Variants in ACER3 observed in about 807,000 individuals in gnomAD.
The protein encoded by ACER3 is alkCDase 3.
ACER3 carries 16 observed loss-of-function variants against 48.9 expected under a neutral mutation model. That is an observed-to-expected ratio of 0.33 (90% CI 0.22 to 0.50). The LOEUF (loss-of-function observed/expected upper bound fraction) is 0.50. Ranked by LOEUF, ACER3 falls within the 20% of genes least tolerant of loss-of-function variation. The pLI, the probability that ACER3 is intolerant of heterozygous loss-of-function variation, is 0.98. For missense variants in ACER3, 227 were observed against 326.0 expected (o/e 0.70, Z 2.34); for synonymous variants, 109 against 107.8 (o/e 1.01, Z -0.07).
chr11:77,005,381 TG>T (rs1949114155), intron 7 of ACER3, among the ~76,000 whole-genome samples: 1 of 152,206 alleles, frequency 6.6e-6, no homozygotes, highest in Non-Finnish European at 1.5e-5. Flanking sequence ...CAGAGTCTAA[TG>T]TTAATCAGCA....
intron 2 of ACER3, among the ~76,000 whole-genome samples, chr11:76,939,064 T>C (rs1032012207): frequency 9.3e-5 from 14 of 150,892 alleles, no homozygotes; most frequent in Non-Finnish European, 1.0e-4. Context: ...ATAACAGTAA[T>C]AGATTTTAAC....
intron 3 of ACER3, among the ~76,000 whole-genome samples, chr11:76,964,768 A>G (rs993141239): frequency 6.6e-6 from 1 of 151,554 alleles, no homozygotes; most frequent in East Asian, 1.9e-4. Context: ...TGTTAGAAGG[A>G]CAACTAACAA....
chr11:77,017,057 A>G (rs1555023510), intron 9 of ACER3, among the ~76,000 whole-genome samples: 1 of 152,220 alleles, frequency 6.6e-6, no homozygotes, highest in Admixed American at 6.5e-5. Flanking sequence ...CACATTTAAA[A>G]GGAAGAGAGA....
chr11:77,020,188 C>T (rs1414091862), intron 10 of ACER3, 86 bp from the exon 11 acceptor site: 6 of 1,394,860 alleles, frequency 4.3e-6, no homozygotes, highest in African/African-American at 2.9e-5. Context: ...TAGTCATAGC[C>T]CCATGGATTC....
At chr11:76,902,401 G>C (rs1321652864) in intron 1 of ACER3, among the ~76,000 whole-genome samples, 1 of 152,124 alleles carries the variant, frequency 6.6e-6, no homozygotes, top group Non-Finnish European at 1.5e-5. Flanking sequence ...AAGATAAAAA[G>C]GTATTTCACA....
intron 3 of ACER3, among the ~76,000 whole-genome samples, chr11:76,967,981 AG>A (rs1462246152): frequency 1.3e-5 from 2 of 152,218 alleles, no homozygotes; most frequent in African/African-American, 2.4e-5. Context: ...GCATTCAATT[AG>A]GAAAAGAGGA....
At chr11:76,952,685 T>C (rs1411232545) in intron 2 of ACER3, among the ~76,000 whole-genome samples, 2 of 144,858 alleles carry the variant, frequency 1.4e-5, no homozygotes, top group Admixed American at 1.4e-4. Context: ...TTTTTTTTTT[T>C]AGACAGAGTC....
At chr11:76,897,942 A>G (rs1476938121) in intron 1 of ACER3, among the ~76,000 whole-genome samples, 1 of 152,228 alleles carries the variant, frequency 6.6e-6, no homozygotes, top group East Asian at 1.9e-4. Flanking sequence ...ATTCCATTTA[A>G]TGATAGAGAA....
At chr11:77,019,431 C>G (rs1949433200) in intron 9 of ACER3, 1 of 230,014 alleles carries the variant, frequency 4.3e-6, no homozygotes, top group Non-Finnish European at 8.5e-6. Flanking sequence ...TGCACTCCAG[C>G]CTGGGTGACA....
chr11:77,013,509 T>A (rs1436747562), intron 7 of ACER3, among the ~76,000 whole-genome samples: 3 of 152,054 alleles, frequency 2.0e-5, no homozygotes, highest in Non-Finnish European at 4.4e-5. Flanking sequence ...GAAATGCAAA[T>A]TAAAACCACA....
At chr11:76,931,143 G>A in intron 2 of ACER3, among the ~76,000 whole-genome samples, 1 of 137,450 alleles carries the variant, frequency 7.3e-6, no homozygotes, top group South Asian at 2.5e-4. Flanking sequence ...ATGAATCTGG[G>A]TGCTCCTGTA....
intron 1 of ACER3, among the ~76,000 whole-genome samples, chr11:76,901,364 C>T (rs1223501636): frequency 6.6e-6 from 1 of 152,046 alleles, no homozygotes; most frequent in Non-Finnish European, 1.5e-5. Flanking sequence ...CTAGAAAAAG[C>T]GTTCTTGTTT....
chr11:77,019,602 A>T (rs1949437053), intron 9 of ACER3, 129 bp from the exon 10 acceptor site: 1 of 784,008 alleles, frequency 1.3e-6, no homozygotes, highest in African/African-American at 1.7e-5. Flanking sequence ...TGCTGAACAA[A>T]TGAAGCATAT....
chr11:76,892,271 G>A (rs935231169), intron 1 of ACER3, among the ~76,000 whole-genome samples: 3 of 152,214 alleles, frequency 2.0e-5, no homozygotes, highest in African/African-American at 7.2e-5. Flanking sequence ...AACTCAATAG[G>A]TCTTGGTTCC....
intron 1 of ACER3, among the ~76,000 whole-genome samples, chr11:76,917,347 A>T (rs1490786196): frequency 6.6e-6 from 1 of 152,208 alleles, no homozygotes; most frequent in Non-Finnish European, 1.5e-5. Flanking sequence ...GTATATTTTT[A>T]AAAATAATGT....
rs1194823262 is a variant in ACER3 at position 77,024,558 on chromosome 11, G to A, written c.*4231G>A. Reference sequence around the variant, plus strand: ...CATTGCTGAAAGAAAAGTGGAAACTGTAAGGGACAACAAGTTTCACCAAGG... The same window carrying A: ...CATTGCTGAAAGAAAAGTGGAAACTATAAGGGACAACAAGTTTCACCAAGG... On this transcript the variant is annotated 3_prime_UTR_variant, in exon 11 of 11. Coordinates refer to ENST00000532485, the MANE Select transcript of ACER3 (RefSeq NM_018367.7). 1 of 152,202 alleles carries A rather than the reference G, an allele frequency of 6.6e-6. No homozygotes were observed. Among genetic ancestry groups the A allele is most frequent in the East Asian group, 1.9e-4 (1 of 5,202 alleles). The allele number at this position is 152,202 out of a possible 1,614,324, so 9.4% of individuals were successfully genotyped here. A position where few individuals can be genotyped will look rare whatever the true frequency, so the allele number is the denominator to read the frequency against.
At chr11:76,994,965 G>T (rs1252489111) in intron 6 of ACER3, among the ~76,000 whole-genome samples, 1 of 152,030 alleles carries the variant, frequency 6.6e-6, no homozygotes, top group Non-Finnish European at 1.5e-5. Context: ...GCTACCTAGG[G>T]GCTGGAGGAA....
intron 1 of ACER3, among the ~76,000 whole-genome samples, chr11:76,883,998 T>C (rs1047354753): frequency 1.3e-5 from 2 of 152,236 alleles, no homozygotes; most frequent in Non-Finnish European, 2.9e-5. Flanking sequence ...GGATCTCTAC[T>C]GGATACTCTA....
intron 7 of ACER3, among the ~76,000 whole-genome samples, chr11:77,010,737 A>C (rs1949246618): frequency 1.3e-5 from 2 of 152,196 alleles, no homozygotes; most frequent in Admixed American, 1.3e-4. Flanking sequence ...AGAAGTATAT[A>C]AGTTGAGAGG....
Sources: gnomAD v4.1 joint callset for allele counts (sites outside exome capture counted in the v4.1 genomes callset) on GRCh38, gnomAD v4.1.1 for gene constraint, MANE v1.5 for transcripts, NCBI Gene and HGNC (gene_info 2026-07-23, HGNC 2026-07-21) for gene names.